The following PRKN variants were observed in gnomAD, a reference collection of about 807,000 sequenced individuals.
PRKN encodes parkin RBR E3 ubiquitin protein ligase.
Under a neutral mutation model 59.5 loss-of-function variants are expected in PRKN, and 56 were observed. The observed-to-expected ratio is 0.94, with a 90% CI of 0.76 to 1.18. The LOEUF is 1.18. Ranked by LOEUF, PRKN falls within the 50% of genes most tolerant of loss-of-function variation. The pLI is 0.00. For missense variants in PRKN, 657 were observed against 596.4 expected (o/e 1.10, Z -1.06); for synonymous variants, 250 against 222.1 (o/e 1.13, Z -1.12).
chr6:161,997,196 G>C (rs1781880178), intron 5 of PRKN, among the ~76,000 whole-genome samples: 1 of 151,914 alleles, frequency 6.6e-6, no homozygotes, highest in African/African-American at 2.4e-5. Flanking sequence ...TATATACATA[G>C]ATCTGTATAC....
At position 162,545,628 on chromosome 6, in the gene PRKN, A is replaced by T. The variant is rs138931091; in HGVS notation, c.8-102155T>A. Among the ~76,000 whole-genome samples the T allele has an allele frequency of 8.3e-3, 1,265 of 152,312 alleles. 30 individuals carry two copies. Among genetic ancestry groups the T allele is most frequent in the African/African-American group, 0.029 (1,203 of 41,560 alleles). On this transcript the variant is annotated intron_variant, in intron 1 of 11. Coordinates refer to ENST00000366898, the MANE Select transcript of PRKN (RefSeq NM_004562.3). ...TTCAAGTTATAATTATGTTAATGGT[A>T]TTCTAATAGTATTTTTAAAAAATTA...
Position 161,369,542 on chromosome 6 carries a change from C to T in PRKN, c.1168-9337G>A, listed in dbSNP as rs989159403. On this transcript the variant is annotated intron_variant, in intron 10 of 11. Transcript: ENST00000366898. The surrounding 1 kb of genome is among the most constrained non-coding windows in gnomAD (Gnocchi z 5.8). ...AGGTTTTGTTGTGATTCAGCATCAC[C>T]GCCCGATTGTGCAATAAAGTGTGGC... is the stretch of plus-strand genomic sequence containing the variant. Among the ~76,000 whole-genome samples, 1 of 152,110 alleles carries T rather than the reference C, an allele frequency of 6.6e-6. No homozygotes were observed. Among genetic ancestry groups the T allele is most frequent in the Non-Finnish European group, 1.5e-5 (1 of 68,026 alleles).
rs1170525276 is a variant in PRKN, at chr6:161,547,409, A to G, written c.1083+1445T>C. ...TTTACTTATAATTTACTTGTATAAA[A>G]AAGGGAAGATAAAGATATTCAAGAT... On this transcript the variant is annotated intron_variant, in intron 9 of 11. Transcript: ENST00000366898. The surrounding 1 kb of genome is among the most constrained non-coding windows in gnomAD (Gnocchi z 4.0). Among the ~76,000 whole-genome samples the G allele has an allele frequency of 6.6e-6, 1 of 152,222 alleles. No individual in the cohort carries two copies. The highest frequency in any genetic ancestry group is 1.5e-5 in the Non-Finnish European group (1 of 68,040).
At chr6:161,812,515 T>G (rs2128213830) in intron 6 of PRKN, among the ~76,000 whole-genome samples, 1 of 152,192 alleles carries the variant, frequency 6.6e-6, no homozygotes, top group Non-Finnish European at 1.5e-5. Context: ...ATAAAAAAAC[T>G]TACAGTTTAG....
At chr6:162,441,566 G>T (rs1235379687) in intron 2 of PRKN, among the ~76,000 whole-genome samples, 2 of 152,070 alleles carry the variant, frequency 1.3e-5, no homozygotes, top group African/African-American at 4.8e-5. Context: ...CTATTAGGTT[G>T]AACAACATGA....
intron 1 of PRKN, among the ~76,000 whole-genome samples, chr6:162,498,019 T>A (rs997210972): frequency 1.3e-5 from 2 of 152,128 alleles, no homozygotes; most frequent in Admixed American, 6.6e-5. Context: ...CATGTACCCA[T>A]AAATAAGTAC....
chr6:161,354,349 C>T lies in PRKN; in HGVS notation c.1286-4138G>A, dbSNP rs1434634610. On this transcript the variant is annotated intron_variant, in intron 11 of 11. Coordinates refer to ENST00000366898, the MANE Select transcript of PRKN (RefSeq NM_004562.3). This position sits in a 1 kb window ranked among gnomAD's most constrained non-coding sequence, Gnocchi z 6.7. ...TGGCTTCCTTTGTAGTGAGTTCTGTCTGCAGATGGACACTCAAACCATGAA... is the reference window on the plus strand; with the variant it reads ...TGGCTTCCTTTGTAGTGAGTTCTGTTTGCAGATGGACACTCAAACCATGAA... Among the ~76,000 whole-genome samples the T allele has an allele frequency of 6.6e-6, 1 of 152,186 alleles. No homozygotes were observed. Among genetic ancestry groups the T allele is most frequent in the Non-Finnish European group, 1.5e-5 (1 of 68,042 alleles).
At chr6:161,642,320 G>C (rs559379500) in intron 7 of PRKN, among the ~76,000 whole-genome samples, 2 of 152,132 alleles carry the variant, frequency 1.3e-5, no homozygotes, top group East Asian at 1.9e-4. Flanking sequence ...CCTTTAACTT[G>C]AGTTAATACA....
chr6:162,476,102 G>A (rs1433070323), intron 1 of PRKN, among the ~76,000 whole-genome samples: 2 of 124,056 alleles, frequency 1.6e-5, no homozygotes, highest in Non-Finnish European at 3.2e-5. Context: ...TTGTTTCCCA[G>A]GTTGGAGTGC....
chr6:162,441,527 C>T (rs550834040), intron 2 of PRKN, among the ~76,000 whole-genome samples: 10 of 152,216 alleles, frequency 6.6e-5, no homozygotes, highest in Middle Eastern at 3.4e-3. Flanking sequence ...TGCGATACGG[C>T]AGTTATGTTT....
intron 2 of PRKN, among the ~76,000 whole-genome samples, chr6:162,274,012 T>C (rs1477068288): frequency 1.3e-5 from 2 of 152,090 alleles, no homozygotes; most frequent in Non-Finnish European, 2.9e-5. Context: ...TTAGAGGAAC[T>C]GAAAAATTAC....
chr6:161,943,038 T>C (rs754355398), intron 6 of PRKN, among the ~76,000 whole-genome samples: 21 of 152,216 alleles, frequency 1.4e-4, no homozygotes, highest in Non-Finnish European at 2.4e-4. Flanking sequence ...GCTACTTACT[T>C]CTAGAGTCAG....
chr6:161,798,065 G>T (rs867749394), intron 6 of PRKN, among the ~76,000 whole-genome samples: 18 of 152,174 alleles, frequency 1.2e-4, no homozygotes, highest in African/African-American at 4.3e-4. Flanking sequence ...ATCGGGCGTG[G>T]TGGCACGCAC....
chr6:161,591,078 T>C (rs1216993559), intron 7 of PRKN, among the ~76,000 whole-genome samples: 1 of 152,194 alleles, frequency 6.6e-6, no homozygotes, highest in African/African-American at 2.4e-5. Flanking sequence ...AGAAAACATA[T>C]TCTGCAATCT....
rs1485757394 is a variant in PRKN, at chr6:161,471,319, T to A, written c.1083+77535A>T. Among the ~76,000 whole-genome samples, 1 of 152,198 alleles carries A rather than the reference T, an allele frequency of 6.6e-6. No individual in the cohort carries two copies. The highest frequency in any genetic ancestry group is 1.5e-5 in the Non-Finnish European group (1 of 68,042). On this transcript the variant is annotated intron_variant, in intron 9 of 11. Coordinates refer to ENST00000366898, the MANE Select transcript of PRKN (RefSeq NM_004562.3). The surrounding 1 kb of genome is among the most constrained non-coding windows in gnomAD (Gnocchi z 4.5). Reference sequence around the variant, plus strand: ...TGGGGTTATGGGGATGTTGTTTTATTTCACTTACAGATATACACCTACGTA... The same window carrying A: ...TGGGGTTATGGGGATGTTGTTTTATATCACTTACAGATATACACCTACGTA...
chr6:162,038,247 A>G (rs1334243686), intron 5 of PRKN, among the ~76,000 whole-genome samples: 1 of 152,194 alleles, frequency 6.6e-6, no homozygotes, highest in Non-Finnish European at 1.5e-5. Context: ...TAATTTGAAT[A>G]CATGTTATTT....
intron 7 of PRKN, among the ~76,000 whole-genome samples, chr6:161,652,441 T>C (rs912778606): frequency 6.6e-6 from 1 of 152,224 alleles, no homozygotes; most frequent in Non-Finnish European, 1.5e-5. Context: ...GTCTATCAAG[T>C]AGACTATAGT....
intron 3 of PRKN, among the ~76,000 whole-genome samples, chr6:162,229,209 C>T (rs1470115361): frequency 1.3e-5 from 2 of 152,178 alleles, no homozygotes. Flanking sequence ...TGTTCTTCAA[C>T]AAAACCTGCT....
chr6:161,835,239 G>A (rs1411119329), intron 6 of PRKN, among the ~76,000 whole-genome samples: 1 of 152,120 alleles, frequency 6.6e-6, no homozygotes, highest in African/African-American at 2.4e-5. Context: ...TAACCCACAG[G>A]ATGGGATGCT....
Sources: gnomAD v4.1 joint callset for allele counts (sites outside exome capture counted in the v4.1 genomes callset) on GRCh38, gnomAD v4.1.1 for gene constraint, Gnocchi (gnomAD v3.1) non-coding constraint, MANE v1.5 for transcripts, NCBI Gene and HGNC (gene_info 2026-07-23, HGNC 2026-07-21) for gene names.